The following MKLN1 variants were observed in gnomAD, a reference collection of about 807,000 sequenced individuals.
The protein encoded by MKLN1 is muskelin.
A neutral mutation model predicts 99.0 loss-of-function variants in MKLN1; 18 were observed. The observed-to-expected ratio is 0.18, with a 90% confidence interval of 0.13 to 0.27. The LOEUF is 0.27. Among genes scored for constraint, MKLN1 ranks in the 10% least tolerant of loss-of-function variants. The pLI, the probability that MKLN1 is intolerant of heterozygous loss-of-function variation, is 1.00. For synonymous variants in MKLN1, 288 were observed against 293.2 expected, an observed-to-expected ratio of 0.98 and a Z score of 0.18; for missense variants, 621 against 875.9, an observed-to-expected ratio of 0.71 and a Z score of 3.67.
chr7:131,298,480 T>C (rs1798328010), intron 3 of MKLN1, among the ~76,000 whole-genome samples: 1 of 152,232 alleles, frequency 6.6e-6, no homozygotes, highest in Admixed American at 6.5e-5. Context: ...ATTCAGTTCC[T>C]GGTGCAGGCT....
At chr7:131,457,638 G>C (rs867257157) in intron 12 of MKLN1, among the ~76,000 whole-genome samples, 1 of 152,092 alleles carries the variant, frequency 6.6e-6, no homozygotes, top group South Asian at 2.1e-4. Flanking sequence ...ATTTAAGCCC[G>C]GGCACGGGGG....
At chr7:131,196,368 T>C (rs990903406) in intron 2 of MKLN1, among the ~76,000 whole-genome samples, 4 of 152,208 alleles carry the variant, frequency 2.6e-5, no homozygotes, top group African/African-American at 7.2e-5. Context: ...ATGTCTTTCT[T>C]CAGAACGTCA....
chr7:131,361,892 T>G (rs1800041622), intron 1 of MKLN1, among the ~76,000 whole-genome samples: 1 of 151,972 alleles, frequency 6.6e-6, no homozygotes, highest in Admixed American at 6.6e-5. Flanking sequence ...TTAGTTTTAG[T>G]TCGGTGGTTA....
At chr7:131,113,770 G>A (rs1467933683) in intron 1 of MKLN1, among the ~76,000 whole-genome samples, 1 of 152,162 alleles carries the variant, frequency 6.6e-6, no homozygotes, top group East Asian at 1.9e-4. Context: ...GTTGCAATGA[G>A]CAGAGATCAT....
At chr7:131,128,349 G>A (rs747977164) in intron 1 of MKLN1, among the ~76,000 whole-genome samples, 2 of 152,132 alleles carry the variant, frequency 1.3e-5, no homozygotes, top group Admixed American at 6.6e-5. Flanking sequence ...TGAAAGTAGT[G>A]TAAGCATTTT....
At chr7:131,209,089 C>G (rs1017472569) in intron 3 of MKLN1, among the ~76,000 whole-genome samples, 1 of 151,990 alleles carries the variant, frequency 6.6e-6, no homozygotes, top group African/African-American at 2.4e-5. Flanking sequence ...CAGAAGGTTC[C>G]GACATCCTCA....
Position 131,429,079 on chromosome 7 carries a change from T to C in MKLN1, c.894T>C (p.Ala298=). The C allele has an allele frequency of 6.2e-7, 1 of 1,614,084 alleles. No individual in the cohort carries two copies. The highest frequency in any genetic ancestry group is 1.1e-5 in the South Asian group (1 of 91,078). ...FGGWDGTQDL[A]DFWAYSVKEN... is the part of the protein sequence containing the mutation. ...GCTGGGATGGAACACAAGATCTTGCTGACTTCTGGGCGTACAGTGTGAAGG... is the reference window on the plus strand; with the variant it reads ...GCTGGGATGGAACACAAGATCTTGCCGACTTCTGGGCGTACAGTGTGAAGG... The change falls in exon 9 of 18, where the codon GCT becomes GCC. Residue 298 remains alanine (A), a synonymous_variant. Coordinates refer to ENST00000352689, the MANE Select transcript of MKLN1 (RefSeq NM_013255.5).
intron 11 of MKLN1, among the ~76,000 whole-genome samples, chr7:131,445,181 A>G (rs2116517604): frequency 6.6e-6 from 1 of 152,268 alleles, no homozygotes; most frequent in East Asian, 1.9e-4. Context: ...CTTTATATAC[A>G]GATAGGTTTA....
chr7:131,331,652 A>G (rs557434383), intron 1 of MKLN1, among the ~76,000 whole-genome samples: 2 of 152,258 alleles, frequency 1.3e-5, no homozygotes, highest in South Asian at 4.1e-4. Context: ...AAGAAAATGT[A>G]GGTGATAAGG....
chr7:131,258,987 G>A lies in MKLN1; in HGVS notation c.-179+56013G>A, dbSNP rs540615663. Among the ~76,000 whole-genome samples the A allele has an allele frequency of 5.3e-5, 8 of 152,230 alleles. No individual in the cohort carries two copies. The East Asian group carries it at 1.5e-3, about 29-fold the overall frequency. On this transcript the variant is annotated intron_variant, in intron 3 of 7. Transcript: ENST00000416992. ...TGATTAAGCAGCTTAAACTTCTAGGGAGAATGTGAGGGTAACAGGGGAGCC... is the reference window on the plus strand; with the variant it reads ...TGATTAAGCAGCTTAAACTTCTAGGAAGAATGTGAGGGTAACAGGGGAGCC...
At chr7:131,404,303 A>G (rs879553143) in intron 6 of MKLN1, among the ~76,000 whole-genome samples, 1 of 152,166 alleles carries the variant, frequency 6.6e-6, no homozygotes, top group Non-Finnish European at 1.5e-5. Context: ...AGGCAACTGG[A>G]CCTGAAGTTA....
chr7:131,407,586 C>T (rs1369075279), intron 6 of MKLN1, among the ~76,000 whole-genome samples: 1 of 151,514 alleles, frequency 6.6e-6, no homozygotes, highest in Middle Eastern at 3.2e-3. Context: ...CTTATAACAC[C>T]TTTTTTCTCT....
At chr7:131,281,305 T>C (rs1584887982) in intron 3 of MKLN1, among the ~76,000 whole-genome samples, 2 of 152,142 alleles carry the variant, frequency 1.3e-5, no homozygotes, top group East Asian at 3.8e-4. Flanking sequence ...GTTCTTTCCC[T>C]ATCGAATTGT....
chr7:131,258,039 T>C (rs1022756613), intron 3 of MKLN1, among the ~76,000 whole-genome samples: 7 of 151,616 alleles, frequency 4.6e-5, no homozygotes, highest in Middle Eastern at 3.2e-3. Context: ...CAGGATTGCT[T>C]GAGCCTAGGA....
chr7:131,306,076 C>T (rs1277677401), intron 3 of MKLN1, among the ~76,000 whole-genome samples: 2 of 152,196 alleles, frequency 1.3e-5, no homozygotes, highest in African/African-American at 2.4e-5. Flanking sequence ...AAGTGTGGCA[C>T]ATCCCCCCTT....
At chr7:131,478,826 A>T (rs905694026) in intron 17 of MKLN1, 149 bp downstream of exon 17, 2 of 923,288 alleles carry the variant, frequency 2.2e-6, no homozygotes, top group African/African-American at 3.3e-5. Context: ...AATTTCTAAT[A>T]ACCTGCTACA....
At chr7:131,401,944 C>A (rs1312783335) in intron 6 of MKLN1, among the ~76,000 whole-genome samples, 1 of 152,150 alleles carries the variant, frequency 6.6e-6, no homozygotes, top group African/African-American at 2.4e-5. Flanking sequence ...TTGATGGCTG[C>A]TGGCTGATAA....
chr7:131,124,288 T>C (rs528780790), intron 1 of MKLN1, among the ~76,000 whole-genome samples: 75 of 152,154 alleles, frequency 4.9e-4, no homozygotes, highest in African/African-American at 1.8e-3. Flanking sequence ...AGTAAGCTTG[T>C]AAGTCAAGAG....
At chr7:131,433,731 C>T (rs571720045) in intron 9 of MKLN1, among the ~76,000 whole-genome samples, 12 of 152,178 alleles carry the variant, frequency 7.9e-5, no homozygotes, top group African/African-American at 2.9e-4. Context: ...GACACTCCCT[C>T]GATTACTGTA....
Sources: gnomAD v4.1 joint callset for allele counts (sites outside exome capture counted in the v4.1 genomes callset) on GRCh38, gnomAD v4.1.1 for gene constraint, MANE v1.5 for transcripts, NCBI Gene and HGNC (gene_info 2026-07-23, HGNC 2026-07-21) for gene names.